Variants in OTOG observed in about 807,000 individuals in gnomAD.
OTOG encodes otogelin.
OTOG carries 296 observed loss-of-function variants against 313.8 expected under a neutral mutation model. That is an observed-to-expected ratio of 0.94 (90% CI 0.86 to 1.04). The LOEUF (loss-of-function observed/expected upper bound fraction) is 1.04, where lower values mean the gene tolerates loss of function less well. Ranked by LOEUF, OTOG falls within the 50% of genes least tolerant of loss-of-function variation. The pLI is 0.00. For synonymous variants in OTOG, 1,533 were observed against 1,554.9 expected, an observed-to-expected ratio of 0.99 and a Z score of 0.33; for missense variants, 3,948 against 3,840.1, an observed-to-expected ratio of 1.03 and a Z score of -0.74.
intron 38 of OTOG, 117 bp from the exon 39 acceptor site, chr11:17,613,495 C>T (rs1328897170): frequency 2.4e-6 from 2 of 845,896 alleles, no homozygotes; most frequent in African/African-American, 3.4e-5. Flanking sequence ...ATGGGAGCCC[C>T]TGGCATAGTG....
At chr11:17,561,514 C>T (rs1355471539) in intron 14 of OTOG, 148 bp from the exon 15 acceptor site, 3 of 819,572 alleles carry the variant, frequency 3.7e-6, no homozygotes, top group Admixed American at 4.6e-5. Context: ...TCTCCCACTG[C>T]CCAGGGCTCT....
At chr11:17,597,746 G>A (rs4543971) in intron 30 of OTOG, among the ~76,000 whole-genome samples, 5,979 of 152,094 alleles carry the variant, frequency 0.039, 422 homozygotes, top group African/African-American at 0.14. Context: ...TTATTCCCAC[G>A]CACCAAAGGA....
intron 44 of OTOG, 21 bp downstream of exon 44, chr11:17,634,302 C>T (rs1053331821): frequency 6.5e-7 from 1 of 1,545,724 alleles, no homozygotes; most frequent in Non-Finnish European, 8.7e-7. Flanking sequence ...ACCTTCACTT[C>T]CTTGGACGTC....
intron 53 of OTOG, 25 bp from the exon 54 acceptor site, chr11:17,643,436 A>G: frequency 7.2e-7 from 1 of 1,394,008 alleles, no homozygotes; most frequent in African/African-American, 1.5e-5. Context: ...ACACCTACCT[A>G]CCTCCCCCGA....
intron 39 of OTOG, among the ~76,000 whole-genome samples, chr11:17,614,224 G>T (rs532535495): frequency 6.6e-6 from 1 of 152,062 alleles, no homozygotes; most frequent in Non-Finnish European, 1.5e-5. Context: ...GTACTGATCT[G>T]TCTCCTCCTC....
chr11:17,630,408 T>A (rs1341177007), intron 40 of OTOG, among the ~76,000 whole-genome samples: 1 of 152,202 alleles, frequency 6.6e-6, no homozygotes, highest in Non-Finnish European at 1.5e-5. Flanking sequence ...CCTCACTGAC[T>A]TAAAGCCAAG....
intron 24 of OTOG, among the ~76,000 whole-genome samples, chr11:17,590,213 G>A (rs1032984108): frequency 1.9e-4 from 29 of 152,260 alleles, no homozygotes; most frequent in African/African-American, 6.0e-4. Context: ...ATCACCATAC[G>A]TATGTCTAAT....
chr11:17,621,285 T>C (rs1327832385), intron 39 of OTOG, among the ~76,000 whole-genome samples: 1 of 152,236 alleles, frequency 6.6e-6, no homozygotes, highest in African/African-American at 2.4e-5. Flanking sequence ...GGCTTGCCTT[T>C]AAGCTTTGTT....
In OTOG at chr11:17,578,382, G is replaced by T. The variant is rs1200761178; in HGVS notation, c.2615G>T (p.Cys872Phe). Residue 872 changes from cysteine (C) to phenylalanine (F), a missense_variant, in exon 23 of 56, where the codon TGC becomes TTC. By Grantham distance (205) the Cys-to-Phe change is radical (BLOSUM62 -2). Transcript: ENST00000399397. ...TCTTCTTCTCTTCCAGCTGCTGCCTGCCCAGCAGGCCAGGTCTTCGTGAAC... is the reference window on the plus strand; with the variant it reads ...TCTTCTTCTCTTCCAGCTGCTGCCTTCCCAGCAGGCCAGGTCTTCGTGAAC... ...SCDSRAPAAA[C>F]PAGQVFVNCS... The T allele has an allele frequency of 1.3e-6, 2 of 1,515,458 alleles. No homozygotes were observed. Among genetic ancestry groups the T allele is most frequent in the African/African-American group, 2.8e-5 (2 of 72,336 alleles). 93.9% of individuals were successfully genotyped at this position (1,515,458 alleles called of 1,614,324 possible).
In OTOG at chr11:17,560,730, G is replaced by C; in HGVS notation, c.1364G>C (p.Gly455Ala). The change falls in exon 13 of 56, where the codon GGC becomes GCC. Residue 455 changes from glycine to alanine, a missense_variant. Gly to Ala is a moderately conservative substitution (Grantham distance 60). Transcript: ENST00000399397. ...CTAGGGCTCATCTTCGAGGATGGGGGCTGCGTGGCACCAGCTGAGTGTCCC... is the reference window on the plus strand; with the variant it reads ...CTAGGGCTCATCTTCGAGGATGGGGCCTGCGTGGCACCAGCTGAGTGTCCC... Reference protein sequence around the residue: ...CPNGLIFEDGGCVAPAECPCE... With the variant: ...CPNGLIFEDGACVAPAECPCE... 6.4e-7 allele frequency: 1 copy of C among 1,550,578 alleles called. No individual in the cohort carries two copies. The highest frequency in any genetic ancestry group is 1.2e-5 in the South Asian group (1 of 84,056).
chr11:17,593,274 TCC>T lies in OTOG; in HGVS notation c.3089_3090del (p.Ser1030TyrfsTer11), dbSNP rs1196992105. 1 of 1,550,588 alleles carries T rather than the reference TCC, an allele frequency of 6.4e-7. No individual in the cohort carries two copies. The highest frequency in any genetic ancestry group is 1.7e-4 in the Middle Eastern group (1 of 5,992). On this transcript the variant is annotated frameshift_variant, in exon 26 of 56. Coordinates refer to ENST00000399397, the MANE Select transcript of OTOG (RefSeq NM_001292063.2). LOFTEE classifies it high-confidence loss of function. ...TGGCATGATCTGCAGGAAATTTATT[TCC>T]ATCAACGTTGGGAACTCACTCATTG... ...SSGMICRKFI[S>X]INVGNSLIVF...
chr11:17,620,623 T>TGAAGGAAC (rs1270676484), intron 39 of OTOG, among the ~76,000 whole-genome samples: 1 of 152,232 alleles, frequency 6.6e-6, no homozygotes, highest in Non-Finnish European at 1.5e-5. Flanking sequence ...ATACATAATG[T>TGAAGGAAC]AGTTTTTTTC....
intron 6 of OTOG, among the ~76,000 whole-genome samples, chr11:17,554,718 G>C (rs1852017182): frequency 1.3e-5 from 2 of 152,202 alleles, no homozygotes; most frequent in Admixed American, 1.3e-4. Context: ...TCCTCTCTCT[G>C]CCTCGGCCTA....
intron 39 of OTOG, among the ~76,000 whole-genome samples, chr11:17,627,553 T>G (rs1198833503): frequency 1.3e-5 from 2 of 152,184 alleles, no homozygotes; most frequent in Non-Finnish European, 2.9e-5. Flanking sequence ...CTTGCAGTCT[T>G]TTTTTGATAT....
Position 17,552,936 on chromosome 11 carries a change from C to T in OTOG, c.293-183C>T, listed in dbSNP as rs548678678. Among the ~76,000 whole-genome samples the T allele has an allele frequency of 1.4e-4, 21 of 152,348 alleles. No homozygotes were observed. In the South Asian group the frequency reaches 1.7e-3, roughly 12 times the overall value. ...CAGATGCCCTGCGACCCCACCCCACCGGCTTGCCAGGGAGGGGGCAGGGCT... is the reference window on the plus strand; with the variant it reads ...CAGATGCCCTGCGACCCCACCCCACTGGCTTGCCAGGGAGGGGGCAGGGCT... On this transcript the variant is annotated intron_variant, in intron 4 of 55. Coordinates refer to ENST00000399397, the MANE Select transcript of OTOG (RefSeq NM_001292063.2).
chr11:17,613,770 T>TG (rs1029320647), intron 39 of OTOG, 69 bp downstream of exon 39: 33 of 1,330,554 alleles, frequency 2.5e-5, no homozygotes, highest in Admixed American at 4.0e-5. Context: ...CATCCAGGGG[T>TG]GGAGGGGCTG....
chr11:17,630,873 G>T (rs1472735032), intron 40 of OTOG, among the ~76,000 whole-genome samples: 1 of 152,228 alleles, frequency 6.6e-6, no homozygotes, highest in African/African-American at 2.4e-5. Context: ...CACATTAAAA[G>T]CTAGGACAGA....
chr11:17,560,632 C>T (rs1030326814), intron 12 of OTOG, 77 bp from the exon 13 acceptor site: 16 of 1,011,134 alleles, frequency 1.6e-5, no homozygotes, highest in Non-Finnish European at 2.3e-5. Flanking sequence ...GGATCTTTAT[C>T]AGAGGCCCTG....
chr11:17,621,760 T>C (rs1412390143), intron 39 of OTOG, among the ~76,000 whole-genome samples: 3 of 152,198 alleles, frequency 2.0e-5, no homozygotes, highest in African/African-American at 7.2e-5. Flanking sequence ...CCTTGGACAA[T>C]CATAAGGCTT....
Sources: gnomAD v4.1 joint callset for allele counts (sites outside exome capture counted in the v4.1 genomes callset) on GRCh38, gnomAD v4.1.1 for gene constraint, MANE v1.5 for transcripts, NCBI Gene and HGNC (gene_info 2026-07-23, HGNC 2026-07-21) for gene names.